ATP10D: variants seen among roughly 807,000 people sequenced by gnomAD.
The protein encoded by ATP10D is phospholipid-transporting ATPase VD.
Under a neutral mutation model 144.8 loss-of-function variants are expected in ATP10D, and 89 were observed. The ratio of observed to expected loss-of-function variants is 0.61; its 90% confidence interval spans 0.52 to 0.73. ATP10D has a LOEUF of 0.73. Among genes scored for constraint, ATP10D ranks in the 30% least tolerant of loss-of-function variants. ATP10D has a pLI of 0.00. For missense variants in ATP10D, 1,603 were observed against 1,714.8 expected (o/e 0.93, Z 1.15); for synonymous variants, 571 against 615.1 (o/e 0.93, Z 1.06).
At chr4:47,575,724 G>C (rs1448067509) in intron 18 of ATP10D, among the ~76,000 whole-genome samples, 1 of 152,096 alleles carries the variant, frequency 6.6e-6, no homozygotes, top group Non-Finnish European at 1.5e-5. Flanking sequence ...CAGTATCTTA[G>C]TCTGTTCAGG....
chr4:47,547,070 A>T, intron 10 of ATP10D: 1 of 580,416 alleles, frequency 1.7e-6, no homozygotes, highest in East Asian at 2.9e-5. Flanking sequence ...CTCAATGTTG[A>T]GAGGTAGTAT....
intron 15 of ATP10D, among the ~76,000 whole-genome samples, chr4:47,566,846 G>A (rs1389430669): frequency 2.0e-5 from 3 of 152,098 alleles, no homozygotes; most frequent in African/African-American, 7.2e-5. Context: ...ATTCATTAAC[G>A]TTAAATGCAT....
At position 47,533,977 on chromosome 4, in the gene ATP10D, C is replaced by T. The variant is rs115983306; in HGVS notation, c.777-1532C>T. ...AACCATTCCATAATATCATGTAATA[C>T]CAAGCTTTTGTTCAAATATCTACAA... is the stretch of plus-strand genomic sequence containing the variant. On this transcript the variant is annotated intron_variant, in intron 5 of 22. Coordinates refer to ENST00000273859, the MANE Select transcript of ATP10D (RefSeq NM_020453.4). 8.1e-3 allele frequency among the ~76,000 whole-genome samples: 1,230 copies of T among 152,254 alleles called. 7 individuals carry two copies. Among genetic ancestry groups the T allele is most frequent in the Non-Finnish European group, 0.013 (865 of 68,024 alleles).
chr4:47,564,256 C>A (rs891326968), intron 15 of ATP10D, among the ~76,000 whole-genome samples: 1 of 151,970 alleles, frequency 6.6e-6, no homozygotes, highest in Admixed American at 6.6e-5. Flanking sequence ...GGAAGGATGT[C>A]TATTCTTCTA....
At chr4:47,543,552 AC>A (rs1309104665) in intron 9 of ATP10D, among the ~76,000 whole-genome samples, 1 of 152,010 alleles carries the variant, frequency 6.6e-6, no homozygotes, top group Non-Finnish European at 1.5e-5. Context: ...CCATTGCCAA[AC>A]CCCCAGGGGA....
At chr4:47,499,090 A>G (rs529378984) in intron 1 of ATP10D, among the ~76,000 whole-genome samples, 1 of 152,294 alleles carries the variant, frequency 6.6e-6, no homozygotes, top group African/African-American at 2.4e-5. Flanking sequence ...CGCTCTTACC[A>G]TTTTGTGGTC....
chr4:47,511,732 T>C (rs1246986565), intron 1 of ATP10D, among the ~76,000 whole-genome samples: 1 of 152,206 alleles, frequency 6.6e-6, no homozygotes, highest in Non-Finnish European at 1.5e-5. Flanking sequence ...GAGACATCTT[T>C]ATTCTAATTT....
intron 10 of ATP10D, chr4:47,547,235 TATAGGGACATTC>T: frequency 4.4e-6 from 1 of 229,284 alleles, no homozygotes; most frequent in Non-Finnish European, 8.7e-6. Context: ...AAGTGTAATT[TATAGGGACATTC>T]ATAGGCCATG....
At chr4:47,537,383 C>T (rs577304964) in intron 9 of ATP10D, among the ~76,000 whole-genome samples, 1 of 152,244 alleles carries the variant, frequency 6.6e-6, no homozygotes, top group African/African-American at 2.4e-5. Flanking sequence ...GAACTTCTGA[C>T]TCTAAAGAAA....
chr4:47,576,889 C>G lies in ATP10D; in HGVS notation c.3483C>G (p.Val1161=). The change falls in exon 19 of 23, where the codon GTC becomes GTG. Residue 1161 remains valine (V), a synonymous_variant. Coordinates refer to ENST00000273859, the MANE Select transcript of ATP10D (RefSeq NM_020453.4). ...FNLLFTSAPP[V]IYGVLEKDVS... ...TCCTCTTCACATCTGCCCCTCCTGT[C>G]ATTTATGGTGTTTTGGAGAAAGATG... The G allele has an allele frequency of 6.2e-7, 1 of 1,614,152 alleles. No individual in the cohort carries two copies. The highest frequency in any genetic ancestry group is 1.1e-5 in the South Asian group (1 of 91,076).
Position 47,593,328 on chromosome 4 carries a change from G to A in ATP10D, c.*1947G>A, listed in dbSNP as rs1041047053. The A allele has an allele frequency of 3.9e-5, 6 of 151,980 alleles. No homozygotes were observed. The highest frequency in any genetic ancestry group is 1.9e-4 in the East Asian group (1 of 5,188). 9.4% of individuals were successfully genotyped at this position (151,980 alleles called of 1,614,324 possible). ...TTCATAAATTAGGCGTAAATTCTATGCCCTGAACAAATGTAAAGCTATTTA... is the reference window on the plus strand; with the variant it reads ...TTCATAAATTAGGCGTAAATTCTATACCCTGAACAAATGTAAAGCTATTTA... On this transcript the variant is annotated 3_prime_UTR_variant, in exon 23 of 23. Transcript: ENST00000273859.
At chr4:47,539,867 C>G (rs867148570) in intron 9 of ATP10D, among the ~76,000 whole-genome samples, 31 of 152,214 alleles carry the variant, frequency 2.0e-4, no homozygotes, top group African/African-American at 6.5e-4. Flanking sequence ...ACTCTAGTCA[C>G]TGAACATACA....
At chr4:47,550,625 T>G (rs1718685361) in intron 10 of ATP10D, among the ~76,000 whole-genome samples, 2 of 151,966 alleles carry the variant, frequency 1.3e-5, no homozygotes, top group South Asian at 4.1e-4. Context: ...TTCCAAGGAA[T>G]GGAATCTTGG....
At chr4:47,508,940 G>A (rs979765707) in intron 1 of ATP10D, among the ~76,000 whole-genome samples, 12 of 152,272 alleles carry the variant, frequency 7.9e-5, no homozygotes, top group Non-Finnish European at 1.5e-4. Flanking sequence ...TTGTGATAAC[G>A]CTTGATGAGG....
intron 14 of ATP10D, among the ~76,000 whole-genome samples, chr4:47,562,196 GTAT>G (rs1310944494): frequency 2.6e-5 from 4 of 152,126 alleles, no homozygotes; most frequent in Non-Finnish European, 1.5e-5. Context: ...TGATTAACAA[GTAT>G]TATAGAATAT....
intron 1 of ATP10D, among the ~76,000 whole-genome samples, chr4:47,506,531 A>C (rs1716027251): frequency 6.6e-6 from 1 of 152,216 alleles, no homozygotes. Flanking sequence ...AGCATCATGC[A>C]GGCCTGCTTT....
chr4:47,526,132 A>G (rs1049760883), intron 5 of ATP10D, among the ~76,000 whole-genome samples: 11 of 152,242 alleles, frequency 7.2e-5, no homozygotes, highest in African/African-American at 1.4e-4. Flanking sequence ...AATATCCTAC[A>G]TGAGCATAGA....
At position 47,579,362 on chromosome 4, in the gene ATP10D, A is replaced by G. The variant is rs546950998; in HGVS notation, c.3568-1036A>G. The stretch of plus-strand genomic sequence containing the variant: ...GCTTGAATAAAAGAGTCAACATTCT[A>G]TTCTATGAGCTTGCATTCCACTGAG... On this transcript the variant is annotated intron_variant, in intron 19 of 22. Transcript: ENST00000273859. 4.6e-5 allele frequency among the ~76,000 whole-genome samples: 7 copies of G among 152,372 alleles called. 1 individual carries two copies. In the East Asian group the frequency reaches 9.6e-4, roughly 21 times the overall value.
At chr4:47,562,692 A>G (rs146612847) in intron 14 of ATP10D, among the ~76,000 whole-genome samples, 1,990 of 152,338 alleles carry the variant, frequency 0.013, 27 homozygotes, top group Non-Finnish European at 0.015. Flanking sequence ...ACTACTGGGT[A>G]TCTACCCAAA....
Sources: allele counts gnomAD v4.1 joint callset (sites outside exome capture counted in the v4.1 genomes callset), GRCh38; gene constraint gnomAD v4.1.1; transcripts MANE v1.5; gene names NCBI Gene and HGNC (gene_info 2026-07-23, HGNC 2026-07-21).